PLA2G7: variants seen among roughly 807,000 people sequenced by gnomAD.
PLA2G7 encodes the protein phospholipase A2 group VII, also known as platelet-activating factor acetylhydrolase.
In PLA2G7, 63 loss-of-function variants were observed where a neutral mutation model predicts 49.6. That is an observed-to-expected ratio of 1.27 (90% CI 1.04 to 1.57). The LOEUF (loss-of-function observed/expected upper bound fraction) is 1.57. Ranked by LOEUF, PLA2G7 falls within the 40% of genes most tolerant of loss-of-function variation. The pLI is 0.00. For missense variants in PLA2G7, 596 were observed against 521.2 expected (o/e 1.14, Z -1.40); for synonymous variants, 193 against 169.9 (o/e 1.14, Z -1.06).
intron 1 of PLA2G7, among the ~76,000 whole-genome samples, chr6:46,734,415 T>TGTGTGA (rs1765832579): frequency 5.2e-4 from 28 of 54,304 alleles, no homozygotes; most frequent in African/African-American, 9.7e-4. Flanking sequence ...TGTGTGTGTG[T>TGTGTGA]GAGAGAGAGA....
In PLA2G7 at chr6:46,735,262, A is replaced by G. The variant is rs1191540979; in HGVS notation, c.-117T>C. On this transcript the variant is annotated 5_prime_UTR_variant, in exon 1 of 12. Transcript: ENST00000274793. ...GCACCAACGCGACCCAAGCGCTCCA[A>G]ACCCGACTGCTTCTCGCCGACAGCA... 2.0e-5 allele frequency: 3 copies of G among 152,280 alleles called. No homozygotes were observed. The highest frequency in any genetic ancestry group is 7.2e-5 in the African/African-American group (3 of 41,472). 9.4% of individuals were successfully genotyped at this position (152,280 alleles called of 1,614,324 possible).
At chr6:46,718,355 G>T (rs1013599974) in intron 2 of PLA2G7, among the ~76,000 whole-genome samples, 1 of 152,220 alleles carries the variant, frequency 6.6e-6, no homozygotes, top group African/African-American at 2.4e-5. Context: ...GCTTTCCTAA[G>T]CCAATACTCT....
intron 4 of PLA2G7, 40 bp from the exon 5 acceptor site, chr6:46,714,593 A>C (rs1765138985): frequency 2.6e-6 from 3 of 1,137,324 alleles, no homozygotes; most frequent in Non-Finnish European, 4.0e-6. Flanking sequence ...GTTTTCTCTG[A>C]GTGTTGCTAG....
chr6:46,722,706 T>G (rs933830553), intron 2 of PLA2G7, 77 bp downstream of exon 2: 1 of 828,042 alleles, frequency 1.2e-6, no homozygotes, highest in Non-Finnish European at 2.1e-6. Context: ...GATGTGCAGA[T>G]GTGCAACTTC....
chr6:46,705,620 T>C (rs902836566), intron 10 of PLA2G7, among the ~76,000 whole-genome samples: 2 of 152,258 alleles, frequency 1.3e-5, no homozygotes, highest in Non-Finnish European at 2.9e-5. Flanking sequence ...GAATGTGTTC[T>C]GTATTGAAGG....
Position 46,714,515 on chromosome 6 carries a change from T to C in PLA2G7, c.415A>G (p.Arg139Gly), listed in dbSNP as rs1383641189. 1 of 1,612,570 alleles carries C rather than the reference T, an allele frequency of 6.2e-7. No individual in the cohort carries two copies. The highest frequency in any genetic ancestry group is 8.5e-7 in the Non-Finnish European group (1 of 1,178,806). ...ACAAGTGGATATTTTTCACCAGGCC[T>C]CAGAGGGGAATTCCAGTTTGCAGGA... ...TTPANWNSPL[R>G]PGEKYPLVVF... The change falls in exon 5 of 12, where the codon AGG (arginine) becomes GGG (glycine). Residue 139 changes from arginine (R) to glycine (G), a missense_variant. Arg to Gly is a moderately radical substitution (Grantham distance 125). Transcript: ENST00000274793.
Position 46,730,693 on chromosome 6 carries a change from T to C in PLA2G7, c.-35+4487A>G, listed in dbSNP as rs188682307. On this transcript the variant is annotated intron_variant, in intron 1 of 11. Coordinates refer to ENST00000274793, the MANE Select transcript of PLA2G7 (RefSeq NM_005084.4). ...TCATCTGATTGCTTCCAAGAAAAACTGGAAAATTACATTTGTATGTAATAT... is the reference window on the plus strand; with the variant it reads ...TCATCTGATTGCTTCCAAGAAAAACCGGAAAATTACATTTGTATGTAATAT... Among the ~76,000 whole-genome samples, 65 of 152,274 alleles carry C rather than the reference T, an allele frequency of 4.3e-4. No individual in the cohort carries two copies. In the East Asian group the frequency reaches 0.011, roughly 27 times the overall value.
At chr6:46,709,566 TATAC>T in intron 8 of PLA2G7, 148 bp from the exon 9 acceptor site, 1 of 637,576 alleles carries the variant, frequency 1.6e-6, no homozygotes, top group South Asian at 1.8e-5. Flanking sequence ...CACATACATT[TATAC>T]ATACCATACA....
Position 46,704,468 on chromosome 6 carries a change from TCTCTCTCTCTCACACACACACA to T in PLA2G7, c.*70_*91del, listed in dbSNP as rs1363682445. ...CTCTCTCTCTCTCTCTCTCTCTCTC[TCTCTCTCTCTCACACACACACA>T]CACACACACACACACACACATAATT... On this transcript the variant is annotated 3_prime_UTR_variant, in exon 12 of 12. Coordinates refer to ENST00000274793, the MANE Select transcript of PLA2G7 (RefSeq NM_005084.4). 2.8e-5 allele frequency: 12 copies of T among 423,194 alleles called. No individual in the cohort carries two copies. Among genetic ancestry groups the T allele is most frequent in the Middle Eastern group, 6.9e-4 (1 of 1,444 alleles). The allele number at this position is 423,194 out of a possible 1,614,324, so 26.2% of individuals were successfully genotyped here.
chr6:46,729,027 G>A lies in PLA2G7; in HGVS notation c.-34-6102C>T, dbSNP rs149633082. On this transcript the variant is annotated intron_variant, in intron 1 of 11. Coordinates refer to ENST00000274793, the MANE Select transcript of PLA2G7 (RefSeq NM_005084.4). ...TAATGGGGTTCTTATGGGGATGTGA[G>A]CCCTTGGAGAAATGCTATTATTATT... Among the ~76,000 whole-genome samples the A allele has an allele frequency of 2.6e-4, 39 of 152,252 alleles. No individual in the cohort carries two copies. The East Asian group carries it at 7.3e-3, about 29-fold the overall frequency.
chr6:46,723,220 A>G (rs184577359), intron 1 of PLA2G7, among the ~76,000 whole-genome samples: 9 of 152,350 alleles, frequency 5.9e-5, no homozygotes, highest in African/African-American at 2.2e-4. Context: ...ATGGTCAGCT[A>G]TAAAAATAGC....
At chr6:46,722,536 T>A (rs143282159) in intron 2 of PLA2G7, among the ~76,000 whole-genome samples, 60 of 152,234 alleles carry the variant, frequency 3.9e-4, no homozygotes, top group African/African-American at 1.4e-3. Context: ...GAGCGTCCAG[T>A]ATATCTTAAA....
At position 46,707,996 on chromosome 6, in the gene PLA2G7, T is replaced by G; in HGVS notation, c.1035A>C (p.Thr345=). The part of the protein sequence containing the change: ...YSPDKERKMI[T]IRGSVHQNFA... ...AATAAGTCACTAATACTTACCTGAT[T>G]GTAATCATCTTTCTTTCTTTATCAG... Residue 345 remains threonine (T), a synonymous_variant, in exon 10 of 12, where the codon ACA becomes ACC. Coordinates refer to ENST00000274793, the MANE Select transcript of PLA2G7 (RefSeq NM_005084.4). 1 of 1,555,460 alleles carries G rather than the reference T, an allele frequency of 6.4e-7. No individual in the cohort carries two copies. The highest frequency in any genetic ancestry group is 8.9e-7 in the Non-Finnish European group (1 of 1,128,144).
intron 1 of PLA2G7, among the ~76,000 whole-genome samples, chr6:46,734,726 G>A (rs1178089487): frequency 1.3e-5 from 2 of 151,968 alleles, no homozygotes; most frequent in Non-Finnish European, 2.9e-5. Context: ...GGGAAGTTGA[G>A]GCAGGAGAAT....
At chr6:46,719,143 C>G (rs1429726158) in intron 2 of PLA2G7, among the ~76,000 whole-genome samples, 1 of 152,168 alleles carries the variant, frequency 6.6e-6, no homozygotes, top group Non-Finnish European at 1.5e-5. Context: ...GCTTGTCCAC[C>G]CATTCCTTCC....
At chr6:46,710,490 A>G in intron 8 of PLA2G7, 55 bp downstream of exon 8, 1 of 1,171,984 alleles carries the variant, frequency 8.5e-7, no homozygotes, top group Non-Finnish European at 1.3e-6. Flanking sequence ...AAATTAAATG[A>G]CAAAAAACAA....
chr6:46,717,277 T>C (rs917873106), intron 2 of PLA2G7, among the ~76,000 whole-genome samples, 181 bp from the exon 3 acceptor site: 2 of 152,080 alleles, frequency 1.3e-5, no homozygotes, highest in African/African-American at 2.4e-5. Context: ...TGTGTAGGGG[T>C]TTTGGAGGGT....
intron 1 of PLA2G7, among the ~76,000 whole-genome samples, chr6:46,734,593 C>A (rs1025918700): frequency 1.3e-5 from 2 of 151,700 alleles, no homozygotes; most frequent in African/African-American, 4.8e-5. Context: ...GAGGCGGAGG[C>A]GGGCGAATCA....
intron 5 of PLA2G7, among the ~76,000 whole-genome samples, chr6:46,714,126 C>A (rs796822589): frequency 1.1e-4 from 17 of 152,258 alleles, no homozygotes; most frequent in African/African-American, 4.1e-4. Context: ...CAGTCTTTCC[C>A]AGCTAATCTA....
Sources: allele counts gnomAD v4.1 joint callset (sites outside exome capture counted in the v4.1 genomes callset), GRCh38; gene constraint gnomAD v4.1.1; transcripts MANE v1.5; gene names NCBI Gene and HGNC (gene_info 2026-07-23, HGNC 2026-07-21).